GAD2: variants seen among roughly 807,000 people sequenced by gnomAD.
The protein encoded by GAD2 is glutamate decarboxylase 2.
GAD2 carries 22 observed loss-of-function variants against 80.1 expected under a neutral mutation model. The observed-to-expected ratio is 0.27, with a 90% confidence interval of 0.20 to 0.39. GAD2 has a LOEUF of 0.39. Ranked by LOEUF, GAD2 falls within the 10% of genes least tolerant of loss-of-function variation. GAD2 has a pLI of 1.00. For synonymous variants in GAD2, 274 were observed against 256.9 expected (o/e 1.07, Z -0.64); for missense variants, 624 against 738.4 (o/e 0.85, Z 1.80).
In GAD2 at chr10:26,302,957, C is replaced by A. The variant is rs1437378267; in HGVS notation, c.*1996C>A. Reference sequence around the variant, plus strand: ...AAAGCAGTTCCTTTCTCAAAACTGCCTGCTGAGAATAAGCACATAGCTGCC... The same window carrying A: ...AAAGCAGTTCCTTTCTCAAAACTGCATGCTGAGAATAAGCACATAGCTGCC... On this transcript the variant is annotated 3_prime_UTR_variant, in exon 16 of 16. Coordinates refer to ENST00000376261, the MANE Select transcript of GAD2 (RefSeq NM_001134366.2). 1 of 152,150 alleles carries A rather than the reference C, an allele frequency of 6.6e-6. No individual in the cohort carries two copies. Among genetic ancestry groups the A allele is most frequent in the Non-Finnish European group, 1.5e-5 (1 of 68,038 alleles). The allele number at this position is 152,150 out of a possible 1,614,324, so 9.4% of individuals were successfully genotyped here.
intron 4 of GAD2, among the ~76,000 whole-genome samples, chr10:26,222,078 C>T (rs940883383): frequency 1.3e-5 from 2 of 152,230 alleles, no homozygotes; most frequent in African/African-American, 4.8e-5. Flanking sequence ...CCTATTTTCA[C>T]ATCATCATCA....
At chr10:26,252,081 C>G (rs1429068257) in intron 8 of GAD2, among the ~76,000 whole-genome samples, 1 of 152,166 alleles carries the variant, frequency 6.6e-6, no homozygotes, top group African/African-American at 2.4e-5. Flanking sequence ...TGCTTGTTTC[C>G]CGTAATGCGC....
At chr10:26,284,133 C>T (rs986478682) in intron 12 of GAD2, among the ~76,000 whole-genome samples, 4 of 152,152 alleles carry the variant, frequency 2.6e-5, no homozygotes, top group African/African-American at 9.7e-5. Flanking sequence ...AAATCCAAGA[C>T]TTTATGATGC....
chr10:26,283,218 C>T (rs543178432), intron 12 of GAD2, among the ~76,000 whole-genome samples: 12 of 152,280 alleles, frequency 7.9e-5, no homozygotes, highest in South Asian at 2.1e-4. Context: ...GAAATATTCA[C>T]GGACTGTTTG....
At chr10:26,293,193 T>TTTTTTTTTTTTTC (rs869296197) in intron 15 of GAD2, among the ~76,000 whole-genome samples, 30 of 137,370 alleles carry the variant, frequency 2.2e-4, no homozygotes, top group Non-Finnish European at 2.6e-4. Flanking sequence ...TTTTTTTTTT[T>TTTTTTTTTTTTTC]TTGAGATGGA....
intron 7 of GAD2, among the ~76,000 whole-genome samples, chr10:26,239,651 T>A (rs1330580): frequency 0.071 from 10,851 of 152,236 alleles, 1,267 homozygotes; most frequent in African/African-American, 0.24. Context: ...AAATAGTGTC[T>A]TGTGGTGATG....
intron 11 of GAD2, among the ~76,000 whole-genome samples, chr10:26,277,769 G>T (rs1238984578): frequency 6.6e-6 from 1 of 152,164 alleles, no homozygotes; most frequent in African/African-American, 2.4e-5. Context: ...TGGAGGCCTG[G>T]AAGGAAAATG....
intron 13 of GAD2, among the ~76,000 whole-genome samples, chr10:26,291,327 A>G (rs1246930376): frequency 6.6e-6 from 1 of 152,184 alleles, no homozygotes; most frequent in Non-Finnish European, 1.5e-5. Context: ...AGCTCCTGGT[A>G]TGGGTGCTGG....
chr10:26,246,260 T>C (rs1265016888), intron 8 of GAD2, among the ~76,000 whole-genome samples: 1 of 152,100 alleles, frequency 6.6e-6, no homozygotes, highest in Middle Eastern at 3.2e-3. Context: ...ACCAAGAAAG[T>C]GCAGAAAGAC....
intron 11 of GAD2, among the ~76,000 whole-genome samples, chr10:26,279,673 G>A (rs980555928): frequency 2.0e-5 from 3 of 152,190 alleles, no homozygotes; most frequent in Admixed American, 1.3e-4. Context: ...ATCTGAACCA[G>A]GACTACAGCT....
chr10:26,301,503 A>G lies in GAD2; in HGVS notation c.*542A>G, dbSNP rs1435677865. On this transcript the variant is annotated 3_prime_UTR_variant, in exon 16 of 16. Coordinates refer to ENST00000376261, the MANE Select transcript of GAD2 (RefSeq NM_001134366.2). ...TAAAAAAGATATCCTATTTTGTAAC[A>G]TATAGATTTTTATTTTATATAGGTT... 1 of 152,162 alleles carries G rather than the reference A, an allele frequency of 6.6e-6. No individual in the cohort carries two copies. Among genetic ancestry groups the G allele is most frequent in the Non-Finnish European group, 1.5e-5 (1 of 68,036 alleles). The allele number at this position is 152,162 out of a possible 1,614,324, so 9.4% of individuals were successfully genotyped here. A position where few individuals can be genotyped will look rare whatever the true frequency, so the allele number is the denominator to read the frequency against.
At chr10:26,218,551 T>TCTCACTCACACACACACA (rs748110324) in intron 3 of GAD2, among the ~76,000 whole-genome samples, 1 of 118,780 alleles carries the variant, frequency 8.4e-6, no homozygotes, top group Admixed American at 8.8e-5. Context: ...TCTCTCTCTC[T>TCTCACTCACACACACACA]CACACACACA....
chr10:26,220,705 G>A (rs149147707), intron 4 of GAD2, among the ~76,000 whole-genome samples: 75 of 152,198 alleles, frequency 4.9e-4, no homozygotes, highest in African/African-American at 1.6e-3. Context: ...ATTTAGATAC[G>A]TTAATAGTAA....
intron 14 of GAD2, 111 bp downstream of exon 14, chr10:26,292,683 A>G (rs1834229849): frequency 1.1e-6 from 1 of 900,712 alleles, no homozygotes; most frequent in East Asian, 2.4e-5. Flanking sequence ...TACAGAGGGG[A>G]GCAGTGGATG....
intron 7 of GAD2, among the ~76,000 whole-genome samples, chr10:26,236,954 A>G (rs960122303): frequency 1.3e-5 from 2 of 152,226 alleles, no homozygotes; most frequent in African/African-American, 4.8e-5. Flanking sequence ...GCAATAGGTA[A>G]GACCTCCCCA....
In GAD2 at chr10:26,217,694, C is replaced by T; in HGVS notation, c.136+25C>T. 6.2e-7 allele frequency: 1 copy of T among 1,610,972 alleles called. No individual in the cohort carries two copies. The highest frequency in any genetic ancestry group is 8.5e-7 in the Non-Finnish European group (1 of 1,178,508). ...GGTGAGTGCCCAGGGACCGGGGCGGCCAAGGTCGGCCCGCGGGGTCCAAGC... is the reference window on the plus strand; with the variant it reads ...GGTGAGTGCCCAGGGACCGGGGCGGTCAAGGTCGGCCCGCGGGGTCCAAGC... On this transcript the variant is annotated intron_variant, in intron 2 of 15. Transcript: ENST00000376261. This position sits in a 1 kb window ranked among gnomAD's most constrained non-coding sequence, Gnocchi z 4.9.
intron 7 of GAD2, among the ~76,000 whole-genome samples, chr10:26,238,005 GACACACACACACACACAC>G (rs58551669): frequency 8.5e-5 from 10 of 118,244 alleles, no homozygotes; most frequent in East Asian, 2.2e-4. Context: ...CCATCACACA[GACACACACACACACACAC>G]ACACACACAC....
chr10:26,218,182 G>A, intron 3 of GAD2, 191 bp downstream of exon 3: 1 of 556,740 alleles, frequency 1.8e-6, no homozygotes, highest in Non-Finnish European at 3.0e-6. Flanking sequence ...CCCCGAACCT[G>A]GCCTCGGAGC....
chr10:26,246,578 T>G (rs1360660320), intron 8 of GAD2, among the ~76,000 whole-genome samples: 1 of 152,240 alleles, frequency 6.6e-6, no homozygotes, highest in Admixed American at 6.5e-5. Context: ...TGAAGCCTAC[T>G]AAAAATTAGA....
Sources: allele counts gnomAD v4.1 joint callset (sites outside exome capture counted in the v4.1 genomes callset), GRCh38; gene constraint gnomAD v4.1.1; non-coding constraint Gnocchi (gnomAD v3.1); transcripts MANE v1.5; gene names NCBI Gene and HGNC (gene_info 2026-07-23, HGNC 2026-07-21).